The following LRRTM4 variants were observed in gnomAD, a reference collection of about 807,000 sequenced individuals.
LRRTM4 encodes the protein leucine-rich repeat transmembrane neuronal protein 4.
A neutral mutation model predicts 47.6 loss-of-function variants in LRRTM4; 25 were observed. The ratio of observed to expected loss-of-function variants is 0.53; its 90% CI spans 0.38 to 0.73. The LOEUF (loss-of-function observed/expected upper bound fraction) is 0.73, where lower values mean the gene tolerates loss of function less well. LRRTM4 is among the 30% of genes least tolerant of loss of function. The probability of loss-of-function intolerance (pLI) is 0.00; values close to 1 mark genes in which losing one functional copy is unlikely to be tolerated. For missense variants in LRRTM4, 638 were observed against 713.4 expected, an observed-to-expected ratio of 0.89 and a Z score of 1.20; for synonymous variants, 311 against 269.5, an observed-to-expected ratio of 1.15 and a Z score of -1.51.
At chr2:77,320,505 C>T (rs1432806081) in intron 3 of LRRTM4, among the ~76,000 whole-genome samples, 1 of 152,032 alleles carries the variant, frequency 6.6e-6, no homozygotes, top group African/African-American at 2.4e-5. Flanking sequence ...GTGTTATTTG[C>T]CTACTTATTT....
chr2:77,209,464 G>C (rs957532807), intron 3 of LRRTM4, among the ~76,000 whole-genome samples: 4 of 151,706 alleles, frequency 2.6e-5, no homozygotes, highest in South Asian at 2.1e-4. Context: ...ATTTATACCA[G>C]TCGCACTGCA....
chr2:77,011,728 T>C (rs577736513), intron 3 of LRRTM4, among the ~76,000 whole-genome samples: 1 of 152,272 alleles, frequency 6.6e-6, no homozygotes, highest in East Asian at 1.9e-4. Flanking sequence ...ATGTTAACTC[T>C]TTATAGTTAA....
rs568567057 is a variant in LRRTM4 at position 76,850,348 on chromosome 2, G to A, written c.1552-101432C>T. ...GCCCAGTAAAAACGGAAGCAATTGT[G>A]TGGAAGACATATCAGAACCTGGGAG... is the stretch of plus-strand genomic sequence containing the variant. On this transcript the variant is annotated intron_variant, in intron 3 of 3. Coordinates refer to ENST00000409884, the MANE Select transcript of LRRTM4 (RefSeq NM_001134745.3). 4.6e-5 allele frequency among the ~76,000 whole-genome samples: 7 copies of A among 152,252 alleles called. No individual in the cohort carries two copies. The South Asian group carries it at 1.2e-3, about 27-fold the overall frequency.
intron 3 of LRRTM4, among the ~76,000 whole-genome samples, chr2:76,754,615 A>T (rs981421337): frequency 6.6e-6 from 1 of 152,152 alleles, no homozygotes; most frequent in African/African-American, 2.4e-5. Flanking sequence ...GAAAGCTCCC[A>T]AGTTTTACGT....
chr2:77,518,449 C>A lies in LRRTM4; in HGVS notation c.1420G>T (p.Glu474Ter). The change falls in exon 3 of 4, where the codon GAA (glutamate) becomes TAA (stop). Residue 474 changes from glutamate (E) to a stop codon, truncating the protein, a stop_gained. Transcript: ENST00000409884. LOFTEE classifies it high-confidence loss of function. ...KRRRKKARESERQMNSPLQEY... is the reference protein window; with the variant it reads ...KRRRKKARES ...TGTAAAGGGGAATTCATTTGTCTTT[C>A]AGACTCTCTGGCCTTTTTCCGCCGC... is the stretch of plus-strand genomic sequence containing the variant. 6.2e-7 allele frequency: 1 copy of A among 1,613,330 alleles called. No individual in the cohort carries two copies.
rs200933978 is a variant in LRRTM4, at chr2:77,207,347, G to GTATATATATATATATATATATA, written c.1551+310970_1551+310971insTATATATATATATATATATATA. Among the ~76,000 whole-genome samples the GTATATATATATATATATATATA allele has an allele frequency of 3.4e-4, 28 of 83,388 alleles. 1 individual carries two copies. The highest frequency in any genetic ancestry group is 1.2e-3 in the African/African-American group (28 of 23,182). 54.7% of individuals were successfully genotyped at this position (83,388 alleles called of 152,430 possible). On this transcript the variant is annotated intron_variant, in intron 3 of 3. Coordinates refer to ENST00000409884, the MANE Select transcript of LRRTM4 (RefSeq NM_001134745.3). ...TTATGTTTTTCCTAATTTCATATAT[G>GTATATATATATATATATATATA]TGTATATATATATATATATATATAT...
chr2:77,003,664 T>A (rs1031583956), intron 3 of LRRTM4, among the ~76,000 whole-genome samples: 1 of 152,164 alleles, frequency 6.6e-6, no homozygotes, highest in African/African-American at 2.4e-5. Context: ...CAGTCTCAGG[T>A]ATGTCTTTAT....
chr2:77,308,765 G>A (rs970155079), intron 3 of LRRTM4, among the ~76,000 whole-genome samples: 10 of 131,638 alleles, frequency 7.6e-5, no homozygotes, highest in African/African-American at 2.6e-4. Flanking sequence ...TTTCTTTTTT[G>A]TTCTTTTGTT....
At position 76,912,219 on chromosome 2, in the gene LRRTM4, GAT is replaced by G. The variant is rs1304502342; in HGVS notation, c.1552-163305_1552-163304del. Among the ~76,000 whole-genome samples, 6 of 152,172 alleles carry G rather than the reference GAT, an allele frequency of 3.9e-5. No individual in the cohort carries two copies. In the South Asian group the frequency reaches 1.0e-3, roughly 26 times the overall value. ...CAGGCGTGAGCCACCGCCCCTGGCC[GAT>G]ATGTGCTTTTTAAATTAGATGTATG... On this transcript the variant is annotated intron_variant, in intron 3 of 3. Coordinates refer to ENST00000409884, the MANE Select transcript of LRRTM4 (RefSeq NM_001134745.3).
At chr2:77,150,889 G>A (rs2103784279) in intron 3 of LRRTM4, among the ~76,000 whole-genome samples, 1 of 152,158 alleles carries the variant, frequency 6.6e-6, no homozygotes, top group Admixed American at 6.6e-5. Flanking sequence ...ATTTGTTGGT[G>A]TATTTCTCCA....
chr2:76,904,729 T>G (rs1345572349), intron 3 of LRRTM4, among the ~76,000 whole-genome samples: 1 of 152,118 alleles, frequency 6.6e-6, no homozygotes, highest in Non-Finnish European at 1.5e-5. Flanking sequence ...TACACCACCG[T>G]CAAGTTTTGT....
intron 3 of LRRTM4, among the ~76,000 whole-genome samples, chr2:76,894,310 C>T (rs1206790883): frequency 6.6e-6 from 1 of 152,042 alleles, no homozygotes; most frequent in African/African-American, 2.4e-5. Context: ...CATAATTTGA[C>T]AACATGGCAT....
At position 77,225,123 on chromosome 2, in the gene LRRTM4, A is replaced by G. The variant is rs185046528; in HGVS notation, c.1551+293195T>C. Reference sequence around the variant, plus strand: ...GCAAACTATCACAAGGACAAAAAGCAAACACCGCATGTTCTCACTCATAGG... The same window carrying G: ...GCAAACTATCACAAGGACAAAAAGCGAACACCGCATGTTCTCACTCATAGG... On this transcript the variant is annotated intron_variant, in intron 3 of 3. Coordinates refer to ENST00000409884, the MANE Select transcript of LRRTM4 (RefSeq NM_001134745.3). Among the ~76,000 whole-genome samples the G allele has an allele frequency of 2.0e-5, 3 of 150,896 alleles. No individual in the cohort carries two copies. In the East Asian group the frequency reaches 5.9e-4, roughly 30 times the overall value.
intron 3 of LRRTM4, among the ~76,000 whole-genome samples, chr2:76,787,596 G>A (rs1014053792): frequency 6.6e-6 from 1 of 151,590 alleles, no homozygotes; most frequent in Non-Finnish European, 1.5e-5. Context: ...TTAGTGTTTT[G>A]GTTAAATTGA....
intron 3 of LRRTM4, among the ~76,000 whole-genome samples, chr2:77,003,055 A>G (rs900439807): frequency 6.6e-6 from 1 of 152,030 alleles, no homozygotes. Context: ...GTGGGTACTC[A>G]GTATAATTTC....
chr2:76,839,715 A>C (rs926157963), intron 3 of LRRTM4, among the ~76,000 whole-genome samples: 3 of 152,146 alleles, frequency 2.0e-5, no homozygotes, highest in Admixed American at 6.6e-5. Context: ...TATATATCAT[A>C]ATAAATAGAT....
chr2:76,855,448 G>A (rs1464559146), intron 3 of LRRTM4, among the ~76,000 whole-genome samples: 2 of 152,092 alleles, frequency 1.3e-5, no homozygotes, highest in Non-Finnish European at 1.5e-5. Flanking sequence ...ATAAATAATA[G>A]ATTCATATCA....
intron 3 of LRRTM4, among the ~76,000 whole-genome samples, chr2:76,772,074 T>A (rs1673735910): frequency 6.6e-6 from 1 of 152,220 alleles, no homozygotes; most frequent in Admixed American, 6.5e-5. Context: ...GTTGAGATCG[T>A]AACACCCAAT....
chr2:77,408,596 G>A (rs144950520), intron 3 of LRRTM4, among the ~76,000 whole-genome samples: 3 of 152,026 alleles, frequency 2.0e-5, no homozygotes, highest in African/African-American at 7.3e-5. Context: ...ACAGCAACTG[G>A]ACCACTGACT....
Sources: gnomAD v4.1 joint callset for allele counts (sites outside exome capture counted in the v4.1 genomes callset) on GRCh38, gnomAD v4.1.1 for gene constraint, MANE v1.5 for transcripts, NCBI Gene and HGNC (gene_info 2026-07-23, HGNC 2026-07-21) for gene names.